Variants in CCDC73 observed in about 807,000 individuals in gnomAD.
CCDC73 encodes coiled-coil domain-containing protein 73.
CCDC73 carries 95 observed loss-of-function variants against 116.5 expected under a neutral mutation model. The observed-to-expected ratio is 0.82, with a 90% CI of 0.69 to 0.97. The LOEUF (loss-of-function observed/expected upper bound fraction) is 0.97. Among genes scored for constraint, CCDC73 ranks in the 50% least tolerant of loss-of-function variants. CCDC73 has a pLI of 0.00. For missense variants in CCDC73, 1,066 were observed against 1,206.8 expected, an observed-to-expected ratio of 0.88 and a Z score of 1.73; for synonymous variants, 398 against 401.3, an observed-to-expected ratio of 0.99 and a Z score of 0.10.
At chr11:32,739,718 T>G (rs1850166850) in intron 2 of CCDC73, among the ~76,000 whole-genome samples, 1 of 152,144 alleles carries the variant, frequency 6.6e-6, no homozygotes, top group Non-Finnish European at 1.5e-5. Context: ...AGCTAGGGCT[T>G]CCAGTATTAT....
At chr11:32,605,352 T>C (rs528605568) in intron 17 of CCDC73, 1 of 152,204 alleles carries the variant, frequency 6.6e-6, no homozygotes, top group South Asian at 2.1e-4. Flanking sequence ...CTGATTGGCT[T>C]TGTTCTTCCA....
Position 32,755,549 on chromosome 11 carries a change from A to ATATATATATATATG in CCDC73, c.135+4546_135+4559dup, listed in dbSNP as rs1554968844. Among the ~76,000 whole-genome samples the ATATATATATATATG allele has an allele frequency of 5.0e-5, 7 of 139,370 alleles. 2 individuals carry two copies. The highest frequency in any genetic ancestry group is 3.9e-3 in the Middle Eastern group (1 of 258). The allele number at this position is 139,370 out of a possible 152,430, so 91.4% of individuals were successfully genotyped here. A position where few individuals can be genotyped will look rare whatever the true frequency, so the allele number is the denominator to read the frequency against. ...ACTCCATCTCAAAATATATATATAT[A>ATATATATATATATG]TATATATATATATGTACATATATAT... On this transcript the variant is annotated intron_variant, in intron 2 of 17. Transcript: ENST00000335185.
At chr11:32,660,676 T>C (rs576826957) in intron 9 of CCDC73, among the ~76,000 whole-genome samples, 1 of 151,566 alleles carries the variant, frequency 6.6e-6, no homozygotes, top group East Asian at 2.0e-4. Flanking sequence ...AAACAAAAAT[T>C]AGTCAGGCAT....
At chr11:32,821,542 C>A in the CCDC73 span, among the ~76,000 whole-genome samples, 1 of 151,994 alleles carries the variant, frequency 6.6e-6, no homozygotes. Flanking sequence ...TTGCAATTTT[C>A]TTTTTAAAAA....
In CCDC73 at chr11:32,750,745, C is replaced by T. The variant is rs1487917906; in HGVS notation, c.135+9364G>A. 6.6e-5 allele frequency among the ~76,000 whole-genome samples: 10 copies of T among 152,290 alleles called. No individual in the cohort carries two copies. The East Asian group carries it at 1.9e-3, about 29-fold the overall frequency. On this transcript the variant is annotated intron_variant, in intron 2 of 17. Transcript: ENST00000335185. The stretch of plus-strand genomic sequence containing the variant: ...CTGGCCCAGGGTAGGTCCAGAGATG[C>T]TGTCCATGAGCCAATGCCTGGAATT...
intron 2 of CCDC73, among the ~76,000 whole-genome samples, chr11:32,733,521 T>A (rs1410941023): frequency 6.6e-6 from 1 of 152,112 alleles, no homozygotes; most frequent in Non-Finnish European, 1.5e-5. Context: ...AGTTGGAAGT[T>A]AAGCACTCCT....
At chr11:32,604,638 T>G (rs1855321982) in intron 17 of CCDC73, 1 of 152,216 alleles carries the variant, frequency 6.6e-6, no homozygotes. Context: ...AGAGGATAGC[T>G]CCATCATATT....
intron 2 of CCDC73, among the ~76,000 whole-genome samples, chr11:32,745,743 T>TG (rs538325806): frequency 1.3e-5 from 1 of 79,236 alleles, no homozygotes; most frequent in African/African-American, 5.2e-5. Flanking sequence ...TTGTTTGTTT[T>TG]GGTTTTTTTT....
At chr11:32,763,454 C>T (rs1850410354) in intron 1 of CCDC73, among the ~76,000 whole-genome samples, 1 of 152,246 alleles carries the variant, frequency 6.6e-6, no homozygotes, top group East Asian at 1.9e-4. Context: ...CGCTGTTCTG[C>T]AGCCTCCGCT....
At chr11:32,702,114 A>G (rs1448594716) in intron 4 of CCDC73, among the ~76,000 whole-genome samples, 2 of 150,610 alleles carry the variant, frequency 1.3e-5, no homozygotes, top group Non-Finnish European at 3.0e-5. Flanking sequence ...AAAGTCTGTC[A>G]TTTGCTTAAA....
At chr11:32,645,248 C>G (rs1405382295) in intron 12 of CCDC73, among the ~76,000 whole-genome samples, 1 of 151,910 alleles carries the variant, frequency 6.6e-6, no homozygotes, top group Admixed American at 6.6e-5. Context: ...GAAGGACCTG[C>G]CTGAGGCTGT....
intron 6 of CCDC73, among the ~76,000 whole-genome samples, chr11:32,687,746 T>C (rs1357789203): frequency 6.6e-6 from 1 of 152,154 alleles, no homozygotes; most frequent in Non-Finnish European, 1.5e-5. Context: ...ACAGCAATAA[T>C]TGCAATAGCA....
intron 2 of CCDC73, among the ~76,000 whole-genome samples, chr11:32,729,036 C>T (rs1319709051): frequency 1.3e-5 from 2 of 151,270 alleles, no homozygotes; most frequent in African/African-American, 4.9e-5. Context: ...ACTTTAAGTG[C>T]CAGGGTACAT....
In CCDC73 at chr11:32,785,123, G is replaced by A. The variant is rs750301188; in HGVS notation, c.-16+9490C>T. Among the ~76,000 whole-genome samples the A allele has an allele frequency of 1.3e-5, 2 of 151,962 alleles. 1 individual carries two copies. Among genetic ancestry groups the A allele is most frequent in the South Asian group, 4.1e-4 (2 of 4,822 alleles). ...AGAGGTTGCAGTGAGCTGAGACAGCGCTACTATACTCCAGCCTGGGCAAAA... is the reference window on the plus strand; with the variant it reads ...AGAGGTTGCAGTGAGCTGAGACAGCACTACTATACTCCAGCCTGGGCAAAA... On this transcript the variant is annotated intron_variant, in intron 1 of 17. Transcript: ENST00000335185.
intron 2 of CCDC73, among the ~76,000 whole-genome samples, chr11:32,759,218 A>G (rs924128174): frequency 2.6e-5 from 4 of 151,840 alleles, no homozygotes; most frequent in African/African-American, 9.7e-5. Context: ...CCAAGCTCCA[A>G]TCTATCCTAT....
intron 2 of CCDC73, among the ~76,000 whole-genome samples, chr11:32,719,728 T>C (rs1849974500): frequency 6.6e-6 from 1 of 152,048 alleles, no homozygotes; most frequent in African/African-American, 2.4e-5. Flanking sequence ...AGAGACCACG[T>C]ACAAAAACAT....
chr11:32,685,137 C>T (rs1225487002), intron 6 of CCDC73, among the ~76,000 whole-genome samples: 1 of 151,792 alleles, frequency 6.6e-6, no homozygotes, highest in Non-Finnish European at 1.5e-5. Flanking sequence ...AGCCTACTGC[C>T]ATGAATGAGC....
At chr11:32,708,626 G>A (rs1256020754) in intron 3 of CCDC73, among the ~76,000 whole-genome samples, 2 of 151,998 alleles carry the variant, frequency 1.3e-5, no homozygotes, top group Non-Finnish European at 2.9e-5. Flanking sequence ...CATCTCCTTG[G>A]TTAGGTATAT....
intron 6 of CCDC73, among the ~76,000 whole-genome samples, chr11:32,685,819 T>A (rs7131657): frequency 0.024 from 3,581 of 148,728 alleles, 138 homozygotes; most frequent in African/African-American, 0.082. Flanking sequence ...CCTCCCAGGT[T>A]CAAGCAATTC....
Sources: allele counts gnomAD v4.1 joint callset (sites outside exome capture counted in the v4.1 genomes callset), GRCh38; gene constraint gnomAD v4.1.1; transcripts MANE v1.5; gene names NCBI Gene and HGNC (gene_info 2026-07-23, HGNC 2026-07-21).